SLC6A16: variants seen among roughly 807,000 people sequenced by gnomAD.
SLC6A16 encodes the protein orphan sodium- and chloride-dependent neurotransmitter transporter NTT5.
A neutral mutation model predicts 65.4 loss-of-function variants in SLC6A16; 54 were observed. That is an observed-to-expected ratio of 0.83 (90% CI 0.66 to 1.04). The LOEUF is 1.04. SLC6A16 is among the 50% of genes least tolerant of loss of function. The probability of loss-of-function intolerance (pLI) is 0.00; values close to 1 mark genes in which losing one functional copy is unlikely to be tolerated. For missense variants in SLC6A16, 816 were observed against 914.0 expected, an observed-to-expected ratio of 0.89 and a Z score of 1.38; for synonymous variants, 330 against 346.5, an observed-to-expected ratio of 0.95 and a Z score of 0.53.
the SLC6A16 span, chr19:49,337,776 G>A: frequency 6.5e-7 from 1 of 1,541,348 alleles, no homozygotes; most frequent in Non-Finnish European, 8.7e-7. Context: ...GAAACAGAAA[G>A]ACAGACCTGA....
intron 7 of SLC6A16, among the ~76,000 whole-genome samples, chr19:49,305,437 C>T (rs957646812): frequency 1.3e-5 from 2 of 151,842 alleles, no homozygotes; most frequent in African/African-American, 2.4e-5. Flanking sequence ...ACTAAAAATA[C>T]AAAAATCAGC....
intron 1 of SLC6A16, among the ~76,000 whole-genome samples, chr19:49,316,186 T>G (rs1221065048): frequency 6.6e-6 from 1 of 152,166 alleles, no homozygotes; most frequent in African/African-American, 2.4e-5. Flanking sequence ...ATAAAATAAT[T>G]TTTTAAATAT....
rs958124010 is a variant in SLC6A16, at chr19:49,310,281, C to T, written c.573+72G>A. 56 of 1,602,770 alleles carry T rather than the reference C, an allele frequency of 3.5e-5. No homozygotes were observed. In the African/African-American group the frequency reaches 5.2e-4, roughly 15 times the overall value. On this transcript the variant is annotated intron_variant, in intron 3 of 11. Transcript: ENST00000335875. ...CTGACCCATGGAGGTATTCACAGGG[C>T]GCATTTCAGGAGGAGGGTTGGGATG...
At chr19:49,294,179 G>A (rs1970138210) in intron 8 of SLC6A16, 151 bp from the exon 9 acceptor site, 1 of 906,388 alleles carries the variant, frequency 1.1e-6, no homozygotes, top group African/African-American at 1.7e-5. Flanking sequence ...CCCCTGACAT[G>A]GAAAATCAAT....
At chr19:49,332,901 C>T in the SLC6A16 span, among the ~76,000 whole-genome samples, 1 of 152,160 alleles carries the variant, frequency 6.6e-6, no homozygotes, top group African/African-American at 2.4e-5. Context: ...GTGGCTTACA[C>T]CTGTAATGTC....
intron 7 of SLC6A16, among the ~76,000 whole-genome samples, chr19:49,304,591 C>T (rs1340302384): frequency 1.3e-5 from 2 of 152,092 alleles, no homozygotes; most frequent in African/African-American, 4.8e-5. Flanking sequence ...CATGGAGAAA[C>T]CCCGTCTCTA....
intron 7 of SLC6A16, among the ~76,000 whole-genome samples, chr19:49,307,740 GA>G: frequency 1.1e-5 from 1 of 91,322 alleles, no homozygotes; most frequent in South Asian, 3.7e-4. Flanking sequence ...AAAAGAAAAA[GA>G]AAAAAAAGAA....
In SLC6A16 at chr19:49,298,873, C is replaced by T. The variant is rs1399681099; in HGVS notation, c.1230-4320G>A. Among the ~76,000 whole-genome samples the T allele has an allele frequency of 2.0e-5, 3 of 152,234 alleles. No individual in the cohort carries two copies. The East Asian group carries it at 5.8e-4, about 29-fold the overall frequency. ...ATATATACTGTGGAATACTATACTG[C>T]CATGAAAAAGAACAAAATCATGTCC... On this transcript the variant is annotated intron_variant, in intron 7 of 11. Coordinates refer to ENST00000335875, the MANE Select transcript of SLC6A16 (RefSeq NM_014037.3).
At chr19:49,338,907 G>T in the SLC6A16 span, 3 of 1,613,924 alleles carry the variant, frequency 1.9e-6, no homozygotes, top group South Asian at 3.3e-5. This position sits in a 1 kb window ranked among gnomAD's most constrained non-coding sequence, Gnocchi z 5.0. Context: ...CATCTGCGCT[G>T]TCCCTGCAGA....
At chr19:49,337,819 G>A in the SLC6A16 span, 1 of 1,575,852 alleles carries the variant, frequency 6.3e-7, no homozygotes, top group African/African-American at 1.4e-5. Flanking sequence ...GTAAGGATTT[G>A]AGACTGGCCC....
Position 49,290,623 on chromosome 19 carries a change from CAT to C in SLC6A16, c.1921_1922del (p.Met641ValfsTer44). 6.2e-7 allele frequency: 1 copy of C among 1,614,092 alleles called. No individual in the cohort carries two copies. Among genetic ancestry groups the C allele is most frequent in the Non-Finnish European group, 8.5e-7 (1 of 1,180,022 alleles). On this transcript the variant is annotated frameshift_variant, in exon 11 of 12. Transcript: ENST00000335875. LOFTEE classifies it high-confidence loss of function. ...GGCTCACGGTGCTTGAGTCCCAGGA[CAT>C]GTAGGTGATCGGCTTCATACAAAGA... Reference protein sequence around the residue: ...VHLCMKPITYMSWDSSTSKEV... With the variant: ...VHLCMKPITYXSWDSSTSKEV...
rs1427487658 is a variant in SLC6A16, at chr19:49,308,571, T to C, written c.1229+305A>G. On this transcript the variant is annotated intron_variant, in intron 7 of 11. Coordinates refer to ENST00000335875, the MANE Select transcript of SLC6A16 (RefSeq NM_014037.3). ...TGGTATTTTGTTGTGTATCTGGGATTAGAGAAGCCTTCAATGTTTGCAATT... is the reference window on the plus strand; with the variant it reads ...TGGTATTTTGTTGTGTATCTGGGATCAGAGAAGCCTTCAATGTTTGCAATT... 3.3e-5 allele frequency among the ~76,000 whole-genome samples: 5 copies of C among 152,206 alleles called. No homozygotes were observed. In the East Asian group the frequency reaches 9.6e-4, roughly 29 times the overall value.
upstream of SLC6A16, among the ~76,000 whole-genome samples, chr19:49,327,143 G>C (rs985131945): frequency 2.7e-5 from 4 of 150,494 alleles, no homozygotes; most frequent in African/African-American, 7.4e-5. Flanking sequence ...GCATAATCTC[G>C]GCTCACTGCA....
chr19:49,330,199 T>A (rs1437994217), upstream of SLC6A16, among the ~76,000 whole-genome samples: 1 of 152,034 alleles, frequency 6.6e-6, no homozygotes, highest in African/African-American at 2.4e-5. Flanking sequence ...TACTGGAGTG[T>A]GCAGGAGGTG....
chr19:49,310,306 G>A, intron 3 of SLC6A16, 47 bp downstream of exon 3: 1 of 1,608,556 alleles, frequency 6.2e-7, no homozygotes, highest in South Asian at 1.1e-5. Context: ...GGGTTGGGAT[G>A]GCGGTGGGGT....
chr19:49,337,039 T>C, the SLC6A16 span: 1 of 1,613,198 alleles, frequency 6.2e-7, no homozygotes, highest in South Asian at 1.1e-5. Flanking sequence ...GCCTGGTGAG[T>C]GCACCATCCC....
At chr19:49,339,594 G>T in the SLC6A16 span, 1 of 1,447,740 alleles carries the variant, frequency 6.9e-7, no homozygotes. The surrounding 1 kb of genome is among the most constrained non-coding windows in gnomAD (Gnocchi z 4.5). Flanking sequence ...AGGGAGCCCT[G>T]ATTGGGTGTA....
intron 7 of SLC6A16, among the ~76,000 whole-genome samples, chr19:49,299,838 C>A (rs1970254725): frequency 6.6e-6 from 1 of 151,622 alleles, no homozygotes; most frequent in South Asian, 2.1e-4. Context: ...GCCTGGCCAA[C>A]ATGGTGAAAC....
chr19:49,313,425 G>C (rs1341487615), intron 1 of SLC6A16, among the ~76,000 whole-genome samples: 2 of 152,058 alleles, frequency 1.3e-5, no homozygotes, highest in African/African-American at 4.8e-5. Context: ...TCAGCCTCCA[G>C]AGTAGGTGGC....
Sources: allele counts gnomAD v4.1 joint callset (sites outside exome capture counted in the v4.1 genomes callset), GRCh38; gene constraint gnomAD v4.1.1; non-coding constraint Gnocchi (gnomAD v3.1); transcripts MANE v1.5; gene names NCBI Gene and HGNC (gene_info 2026-07-23, HGNC 2026-07-21).